RB1: variants seen among roughly 807,000 people sequenced by gnomAD.
RB1 encodes the protein RB transcriptional corepressor 1.
Under a neutral mutation model 135.4 loss-of-function variants are expected in RB1, and 18 were observed. The ratio of observed to expected loss-of-function variants is 0.13; its 90% CI spans 0.09 to 0.20. The LOEUF (loss-of-function observed/expected upper bound fraction) is 0.20, where lower values mean the gene tolerates loss of function less well. Ranked by LOEUF, RB1 falls within the 10% of genes least tolerant of loss-of-function variation. The pLI, the probability that RB1 is intolerant of heterozygous loss-of-function variation, is 1.00. For missense variants in RB1, 868 were observed against 1,110.0 expected, an observed-to-expected ratio of 0.78 and a Z score of 3.10; for synonymous variants, 365 against 373.2, an observed-to-expected ratio of 0.98 and a Z score of 0.25.
intron 26 of RB1, among the ~76,000 whole-genome samples, chr13:48,478,267 AATAAG>A (rs1027622620): frequency 2.0e-4 from 31 of 152,340 alleles, no homozygotes; most frequent in African/African-American, 7.5e-4. Context: ...TAACTTTGAA[AATAAG>A]ATATTTAAAA....
At chr13:48,452,535 C>G (rs1342018238) in intron 17 of RB1, among the ~76,000 whole-genome samples, 2 of 151,872 alleles carry the variant, frequency 1.3e-5, no homozygotes, top group Admixed American at 1.3e-4. Flanking sequence ...GATTTTGTCC[C>G]ATTTTTCATA....
intron 2 of RB1, chr13:48,318,609 G>T: frequency 1.6e-6 from 1 of 613,010 alleles, no homozygotes; most frequent in Non-Finnish European, 2.9e-6. Context: ...CACGGCTCAC[G>T]CCTGGCTGTG....
intron 17 of RB1, among the ~76,000 whole-genome samples, chr13:48,442,855 T>C (rs1219434945): frequency 6.6e-6 from 1 of 152,254 alleles, no homozygotes; most frequent in East Asian, 1.9e-4. Context: ...ATATTTTACA[T>C]ATTGCACTTT....
At position 48,430,765 on chromosome 13, in the gene RB1, CAA is replaced by C. The variant is rs58163880; in HGVS notation, c.1696-22217_1696-22216del. ...AAAAACAAAAAAACAAACAAACAAA[CAA>C]AAAAAAAAAACAGTAGAGGCCTGCT... On this transcript the variant is annotated intron_variant, in intron 17 of 26. Coordinates refer to ENST00000267163, the MANE Select transcript of RB1 (RefSeq NM_000321.3). Among the ~76,000 whole-genome samples the C allele has an allele frequency of 6.3e-3, 951 of 150,054 alleles. 3 individuals carry two copies. Among genetic ancestry groups the C allele is most frequent in the Middle Eastern group, 0.01 (3 of 294 alleles).
chr13:48,427,175 A>G (rs1382601379), intron 17 of RB1, among the ~76,000 whole-genome samples: 1 of 122,034 alleles, frequency 8.2e-6, no homozygotes, highest in African/African-American at 3.1e-5. Context: ...CGAGTCATCT[A>G]CCAAACCTCA....
intron 2 of RB1, among the ~76,000 whole-genome samples, chr13:48,329,813 A>G (rs1371832692): frequency 6.6e-6 from 1 of 152,192 alleles, no homozygotes; most frequent in African/African-American, 2.4e-5. Context: ...TGTCAGCAAG[A>G]TGGTGGAATA....
At chr13:48,464,628 T>C (rs1949425541) in intron 21 of RB1, among the ~76,000 whole-genome samples, 1 of 152,090 alleles carries the variant, frequency 6.6e-6, no homozygotes, top group Non-Finnish European at 1.5e-5. Flanking sequence ...TGGATAATAT[T>C]ATTGGCTTTC....
At chr13:48,431,950 A>G (rs955992509) in intron 17 of RB1, among the ~76,000 whole-genome samples, 2 of 152,084 alleles carry the variant, frequency 1.3e-5, no homozygotes, top group Non-Finnish European at 2.9e-5. Flanking sequence ...GTGCTTTTCT[A>G]GGTGCTGGGA....
At chr13:48,422,803 C>G (rs201947587) in intron 17 of RB1, 1 of 147,496 alleles carries the variant, frequency 6.8e-6, no homozygotes, top group Non-Finnish European at 1.5e-5. Context: ...AAAAAAAAAA[C>G]AAAAAGGAAA....
intron 17 of RB1, among the ~76,000 whole-genome samples, chr13:48,391,932 T>G (rs942259479): frequency 2.0e-5 from 3 of 152,030 alleles, no homozygotes; most frequent in African/African-American, 7.2e-5. Context: ...CAAAAAACAT[T>G]TCTTGTGTGC....
chr13:48,398,843 T>C (rs1948667978), intron 17 of RB1, among the ~76,000 whole-genome samples: 1 of 152,080 alleles, frequency 6.6e-6, no homozygotes, highest in African/African-American at 2.4e-5. Context: ...TGTATGTGTA[T>C]TTTTTATCCT....
intron 19 of RB1, among the ~76,000 whole-genome samples, chr13:48,457,285 C>T (rs546380484): frequency 6.6e-6 from 1 of 152,160 alleles, no homozygotes; most frequent in East Asian, 1.9e-4. Flanking sequence ...GTTCAGTTCT[C>T]AGCAGAAAGG....
At chr13:48,321,073 CCT>C (rs1233481279) in intron 2 of RB1, among the ~76,000 whole-genome samples, 1 of 152,094 alleles carries the variant, frequency 6.6e-6, no homozygotes, top group Admixed American at 6.5e-5. Context: ...TCCGACGCAT[CCT>C]CTCTCTGCTT....
chr13:48,324,987 T>C (rs1056641029), intron 2 of RB1, among the ~76,000 whole-genome samples: 1 of 152,144 alleles, frequency 6.6e-6, no homozygotes, highest in African/African-American at 2.4e-5. Flanking sequence ...GGGATTTGTT[T>C]TTTTTTTTAA....
rs1260023791 is a variant in RB1 at position 48,481,058 on chromosome 13, T to C, written c.*987T>C. 1.3e-5 allele frequency: 3 copies of C among 229,952 alleles called. No individual in the cohort carries two copies. Among genetic ancestry groups the C allele is most frequent in the African/African-American group, 6.7e-5 (3 of 45,098 alleles). 14.2% of individuals were successfully genotyped at this position (229,952 alleles called of 1,614,324 possible). A position where few individuals can be genotyped will look rare whatever the true frequency, so the allele number is the denominator to read the frequency against. On this transcript the variant is annotated 3_prime_UTR_variant, in exon 27 of 27. Coordinates refer to ENST00000267163, the MANE Select transcript of RB1 (RefSeq NM_000321.3). ...AGCCTTAATTTTTTTTTCATAGAGATTTGTCTAATTGCATCTCAAAATTAT... is the reference window on the plus strand; with the variant it reads ...AGCCTTAATTTTTTTTTCATAGAGACTTGTCTAATTGCATCTCAAAATTAT...
chr13:48,333,723 G>T (rs1952357323), intron 2 of RB1, among the ~76,000 whole-genome samples: 1 of 149,398 alleles, frequency 6.7e-6, no homozygotes, highest in Non-Finnish European at 1.5e-5. Flanking sequence ...CTGAGCATAT[G>T]GAGAAAAAAA....
At chr13:48,452,924 T>C in intron 17 of RB1, 69 bp from the exon 18 acceptor site, 1 of 1,596,932 alleles carries the variant, frequency 6.3e-7, no homozygotes, top group South Asian at 1.1e-5. Flanking sequence ...TCAAACAATA[T>C]GATTTTGATA....
intron 17 of RB1, among the ~76,000 whole-genome samples, chr13:48,423,288 T>C (rs191633013): frequency 2.2e-3 from 338 of 152,306 alleles, no homozygotes; most frequent in Middle Eastern, 6.8e-3. Context: ...TGTTTTTGTG[T>C]TTTTGAGACG....
intron 2 of RB1, among the ~76,000 whole-genome samples, chr13:48,342,376 A>G (rs1464403436): frequency 6.6e-6 from 1 of 151,994 alleles, no homozygotes; most frequent in African/African-American, 2.4e-5. Context: ...TATCTTTCTA[A>G]TACTTTTTTG....
Sources: allele counts gnomAD v4.1 joint callset (sites outside exome capture counted in the v4.1 genomes callset), GRCh38; gene constraint gnomAD v4.1.1; transcripts MANE v1.5; gene names NCBI Gene and HGNC (gene_info 2026-07-23, HGNC 2026-07-21).